The following PLXDC1 variants were observed in gnomAD, a reference collection of about 807,000 sequenced individuals.
PLXDC1 encodes the protein plexin domain containing 1.
In PLXDC1, 39 loss-of-function variants were observed where a neutral mutation model predicts 61.3. The ratio of observed to expected loss-of-function variants is 0.64; its 90% CI spans 0.49 to 0.83. PLXDC1 has a LOEUF of 0.83. Among genes scored for constraint, PLXDC1 ranks in the 40% least tolerant of loss-of-function variants. The pLI is 0.00. For missense variants in PLXDC1, 596 were observed against 666.5 expected (o/e 0.89, Z 1.17); for synonymous variants, 212 against 254.5 (o/e 0.83, Z 1.59).
At chr17:39,128,097 G>GTGTGTGTATATATATATATA (rs1911379292) in intron 2 of PLXDC1, among the ~76,000 whole-genome samples, 2 of 67,476 alleles carry the variant, frequency 3.0e-5, no homozygotes, top group Non-Finnish European at 5.4e-5. Flanking sequence ...CTCTCTATGT[G>GTGTGTGTATATATATATATA]TATATATATA....
chr17:39,101,241 G>A (rs915514140), intron 7 of PLXDC1, among the ~76,000 whole-genome samples: 6 of 152,310 alleles, frequency 3.9e-5, no homozygotes, highest in South Asian at 2.1e-4. Context: ...TATCAGAAAC[G>A]CGCAGAAGAG....
intron 9 of PLXDC1, chr17:39,079,796 G>T (rs1909484865): frequency 2.9e-6 from 1 of 339,858 alleles, no homozygotes; most frequent in Admixed American, 3.9e-5. Flanking sequence ...TTTACTCTTT[G>T]GTGCTAGGGG....
rs535423845 is a variant in PLXDC1, at chr17:39,141,783, A to C, written c.77-1951T>G. 3.9e-5 allele frequency among the ~76,000 whole-genome samples: 6 copies of C among 152,220 alleles called. No individual in the cohort carries two copies. The South Asian group carries it at 1.2e-3, about 32-fold the overall frequency. ...TTTTACATTCCCACCAACCGTGCAC[A>C]TGGGTTCCAATCTCTCCACATTCTT... On this transcript the variant is annotated intron_variant, in intron 1 of 13. Transcript: ENST00000315392.
chr17:39,070,002 G>C lies in PLXDC1; in HGVS notation c.1237C>G (p.Leu413Val). The C allele has an allele frequency of 6.2e-7, 1 of 1,613,948 alleles. No homozygotes were observed. Among genetic ancestry groups the C allele is most frequent in the Non-Finnish European group, 8.5e-7 (1 of 1,179,840 alleles). The change falls in exon 13 of 14, where the codon CTG becomes GTG. Residue 413 changes from leucine (L) to valine (V), a missense_variant. Coordinates refer to ENST00000315392, the MANE Select transcript of PLXDC1 (RefSeq NM_020405.5). ...GGAGTGCCCTTTGTCTTGGGGGACA[G>C]GTTGTTCTGAAGGCCTGTGGAGAGA... ...YAGGDGLQNN[L>V]SPKTKGTPVH...
At chr17:39,129,391 G>T (rs1231576733) in intron 2 of PLXDC1, among the ~76,000 whole-genome samples, 1 of 151,308 alleles carries the variant, frequency 6.6e-6, no homozygotes, top group Non-Finnish European at 1.5e-5. Flanking sequence ...GGCTGAGGTG[G>T]GTGGATCACG....
chr17:39,101,466 G>A (rs1472185013), intron 7 of PLXDC1, among the ~76,000 whole-genome samples: 4 of 152,232 alleles, frequency 2.6e-5, no homozygotes, highest in East Asian at 1.9e-4. Context: ...CAGAGGGCAC[G>A]GGGCCCTAAA....
chr17:39,108,476 G>A (rs1043626004), intron 4 of PLXDC1: 10 of 568,596 alleles, frequency 1.8e-5, no homozygotes, highest in Middle Eastern at 4.6e-4. Flanking sequence ...ACTATAGGGC[G>A]AGGGGGCAGG....
At chr17:39,129,688 A>AAAAGAAAG (rs1305179766) in intron 2 of PLXDC1, among the ~76,000 whole-genome samples, 1 of 65,064 alleles carries the variant, frequency 1.5e-5, no homozygotes, top group African/African-American at 8.0e-5. Flanking sequence ...AGGGAGAAAG[A>AAAAGAAAG]AAAGAAAGAA....
intron 13 of PLXDC1, 74 bp downstream of exon 13, chr17:39,069,782 G>T: frequency 1.7e-6 from 2 of 1,146,226 alleles, no homozygotes; most frequent in Non-Finnish European, 2.6e-6. Flanking sequence ...GAAGGGGAGA[G>T]GCAGGGACCG....
At chr17:39,109,016 C>A in intron 3 of PLXDC1, 43 bp from the exon 4 acceptor site, 2 of 1,504,954 alleles carry the variant, frequency 1.3e-6, no homozygotes, top group Non-Finnish European at 1.8e-6. Flanking sequence ...AAGCTGCAGG[C>A]CAGGGGCCTG....
At chr17:39,152,688 AT>A (rs2045382012), upstream of PLXDC1, 2 of 1,233,186 alleles carry the variant, frequency 1.6e-6, no homozygotes, top group African/African-American at 1.6e-5. Context: ...CATTGGAGAA[AT>A]TTTCCAGGAG....
intron 2 of PLXDC1, among the ~76,000 whole-genome samples, chr17:39,121,715 A>T (rs1421959843): frequency 6.6e-6 from 1 of 152,196 alleles, no homozygotes; most frequent in African/African-American, 2.4e-5. Context: ...AGCTAGGCAC[A>T]CAGTCACACA....
chr17:39,138,994 T>C (rs1173897350), intron 2 of PLXDC1, among the ~76,000 whole-genome samples: 1 of 151,916 alleles, frequency 6.6e-6, no homozygotes, highest in African/African-American at 2.4e-5. Flanking sequence ...GAACCCAGCG[T>C]CCATGACACA....
Position 39,072,487 on chromosome 17 carries a change from T to A in PLXDC1, c.1187-2A>T. 6.5e-7 allele frequency: 1 copy of A among 1,536,010 alleles called. No individual in the cohort carries two copies. Among genetic ancestry groups the A allele is most frequent in the Non-Finnish European group, 8.9e-7 (1 of 1,128,888 alleles). On this transcript the variant is annotated splice_acceptor_variant, in intron 11 of 13. Transcript: ENST00000315392. LOFTEE classifies it high-confidence loss of function. ...CATAGGGATTCAACTTGGTGTCATC[T>A]TCAAAGAGAGAAGACAGAAGGAGCA...
intron 12 of PLXDC1, among the ~76,000 whole-genome samples, chr17:39,071,724 T>G (rs1909126571): frequency 6.6e-6 from 1 of 152,144 alleles, no homozygotes; most frequent in Admixed American, 6.5e-5. Context: ...ACACACCCAC[T>G]GCCTATGGAG....
chr17:39,128,159 A>G lies in PLXDC1; in HGVS notation c.255+11495T>C, dbSNP rs1232043884. 4.4e-5 allele frequency among the ~76,000 whole-genome samples: 3 copies of G among 67,786 alleles called. 1 individual carries two copies. The highest frequency in any genetic ancestry group is 8.2e-5 in the Non-Finnish European group (3 of 36,504). 44.5% of individuals were successfully genotyped at this position (67,786 alleles called of 152,430 possible). A position where few individuals can be genotyped will look rare whatever the true frequency, so the allele number is the denominator to read the frequency against. The stretch of plus-strand genomic sequence containing the variant: ...TATATGTATATATATGTGTGTATAT[A>G]TATGTATATATATGTATATATATAT... On this transcript the variant is annotated intron_variant, in intron 2 of 13. Coordinates refer to ENST00000315392, the MANE Select transcript of PLXDC1 (RefSeq NM_020405.5).
intron 2 of PLXDC1, among the ~76,000 whole-genome samples, chr17:39,109,963 C>T (rs1310032047): frequency 2.6e-5 from 4 of 152,100 alleles, no homozygotes; most frequent in Non-Finnish European, 5.9e-5. Context: ...GACAAAACAG[C>T]GAAACCTCGT....
chr17:39,073,523 G>A (rs1157520114), intron 11 of PLXDC1, among the ~76,000 whole-genome samples: 1 of 152,172 alleles, frequency 6.6e-6, no homozygotes, highest in Non-Finnish European at 1.5e-5. Flanking sequence ...TAGACAAAAG[G>A]ACACAGTGCC....
intron 2 of PLXDC1, among the ~76,000 whole-genome samples, chr17:39,129,122 G>A (rs11871173): frequency 0.04 from 6,078 of 151,224 alleles, 401 homozygotes; most frequent in African/African-American, 0.14. Context: ...GTTCAAGACC[G>A]GCCTGGTCAA....
Sources: allele counts gnomAD v4.1 joint callset (sites outside exome capture counted in the v4.1 genomes callset), GRCh38; gene constraint gnomAD v4.1.1; transcripts MANE v1.5; gene names NCBI Gene and HGNC (gene_info 2026-07-23, HGNC 2026-07-21).